The following SPATA24 variants were observed in gnomAD, a reference collection of about 807,000 sequenced individuals.
SPATA24 encodes spermatogenesis-associated protein 24.
In SPATA24, 21 loss-of-function variants were observed where a neutral mutation model predicts 28.9. The ratio of observed to expected loss-of-function variants is 0.73; its 90% CI spans 0.52 to 1.05. The LOEUF (loss-of-function observed/expected upper bound fraction) is 1.05. SPATA24 is among the 50% of genes least tolerant of loss of function. The probability of loss-of-function intolerance (pLI) is 0.00; values close to 1 mark genes in which losing one functional copy is unlikely to be tolerated. For missense variants in SPATA24, 215 were observed against 242.9 expected, an observed-to-expected ratio of 0.88 and a Z score of 0.76; for synonymous variants, 76 against 89.9, an observed-to-expected ratio of 0.85 and a Z score of 0.88.
chr5:139,398,434 G>A (rs1758756618), intron 4 of SPATA24, among the ~76,000 whole-genome samples: 1 of 152,002 alleles, frequency 6.6e-6, no homozygotes, highest in Non-Finnish European at 1.5e-5. Flanking sequence ...AACTAGCTGG[G>A]CATGGTGTTG....
At chr5:139,392,711 C>A (rs756113832), downstream of SPATA24, 754 of 1,407,718 alleles carry the variant, frequency 5.4e-4, no homozygotes, top group Non-Finnish European at 6.5e-4. This position sits in a 1 kb window ranked among gnomAD's most constrained non-coding sequence, Gnocchi z 5.8. Context: ...GCTGGCCCTA[C>A]GGGGGAGCGC....
chr5:139,392,584 G>A (rs1758616968), downstream of SPATA24: 3 of 1,363,796 alleles, frequency 2.2e-6, no homozygotes, highest in South Asian at 1.8e-5. This position sits in a 1 kb window ranked among gnomAD's most constrained non-coding sequence, Gnocchi z 5.8. Flanking sequence ...CGGGAGTGGC[G>A]CCTGGACGGC....
chr5:139,394,810 C>T (rs752988326), downstream of SPATA24: 1 of 1,529,248 alleles, frequency 6.5e-7, no homozygotes, highest in South Asian at 1.2e-5. Flanking sequence ...GGAACCTGGG[C>T]CTCGCGGGAA....
At position 139,396,858 on chromosome 5, in the gene SPATA24, T is replaced by C. The variant is rs540288040; in HGVS notation, c.560A>G (p.His187Arg). Residue 187 changes from histidine to arginine, a missense_variant, in exon 6 of 6, where the codon CAT (histidine) becomes CGT (arginine). By Grantham distance (29) the His-to-Arg change is conservative (BLOSUM62 0). Coordinates refer to ENST00000450845, the MANE Select transcript of SPATA24 (RefSeq NM_194296.2). Reference sequence around the variant, plus strand: ...CTGACGTGTCCCTGAGGCTTTCTTATGCTTCTGGTCCAGCACCTGGGCCAT... The same window carrying C: ...CTGACGTGTCCCTGAGGCTTTCTTACGCTTCTGGTCCAGCACCTGGGCCAT... ...SYMAQVLDQKHKKASGTRQAR... is the reference protein window; with the variant it reads ...SYMAQVLDQKRKKASGTRQAR... The C allele has an allele frequency of 1.1e-5, 17 of 1,551,720 alleles. No individual in the cohort carries two copies. The highest frequency in any genetic ancestry group is 1.5e-5 in the Non-Finnish European group (17 of 1,146,988).
At position 139,397,117 on chromosome 5, in the gene SPATA24, C is replaced by G. The variant is rs745839774; in HGVS notation, c.412G>C (p.Glu138Gln). Residue 138 changes from glutamate (E) to glutamine (Q), a missense_variant, in exon 5 of 6, where the codon GAA becomes CAA. By Grantham distance (29) the Glu-to-Gln change is conservative (BLOSUM62 2). Transcript: ENST00000450845. ...NEIESHIIKQ[E>Q]DILNGKENEI... Reference sequence around the variant, plus strand: ...TTCTCTTTGCCATTAAGTATATCTTCTTGCTTTATAATGTGAGACTCAATC... The same window carrying G: ...TTCTCTTTGCCATTAAGTATATCTTGTTGCTTTATAATGTGAGACTCAATC... 6.4e-7 allele frequency: 1 copy of G among 1,552,100 alleles called. No individual in the cohort carries two copies. The highest frequency in any genetic ancestry group is 2.4e-5 in the East Asian group (1 of 40,924).
In SPATA24 at chr5:139,402,656, T is replaced by G; in HGVS notation, c.155A>C (p.Glu52Ala). 1 of 1,551,872 alleles carries G rather than the reference T, an allele frequency of 6.4e-7. No homozygotes were observed. Residue 52 changes from glutamate to alanine, a missense_variant, in exon 2 of 6, where the codon GAG becomes GCG. Physicochemically the swap from Glu to Ala is moderately radical, Grantham distance 107 (BLOSUM62 -1). Transcript: ENST00000450845. Reference sequence around the variant, plus strand: ...CAGCTTCTTCTCCACTGCCTGGAACTCTTCTTTACTGACAAAATTTTCGTC... The same window carrying G: ...CAGCTTCTTCTCCACTGCCTGGAACGCTTCTTTACTGACAAAATTTTCGTC... The part of the protein sequence containing the change: ...LQDENFVSKE[E>A]FQAVEKKLVE...
intron 2 of SPATA24, 36 bp from the exon 3 acceptor site, chr5:139,402,081 G>T: frequency 6.5e-7 from 1 of 1,543,802 alleles, no homozygotes. Context: ...ATTACCCTAG[G>T]CCGCCTTGGG....
chr5:139,399,928 A>G (rs1758787623), intron 4 of SPATA24, among the ~76,000 whole-genome samples: 2 of 152,238 alleles, frequency 1.3e-5, no homozygotes, highest in South Asian at 4.1e-4. Context: ...TGGCCCTACC[A>G]GGAAAGAACC....
At chr5:139,398,225 GAGAC>G (rs2152078236) in intron 4 of SPATA24, among the ~76,000 whole-genome samples, 1 of 152,276 alleles carries the variant, frequency 6.6e-6, no homozygotes, top group East Asian at 1.9e-4. Context: ...GATGGGGAAA[GAGAC>G]AGCCCTATCC....
chr5:139,397,642 C>T (rs1208790003), intron 4 of SPATA24, among the ~76,000 whole-genome samples: 1 of 152,000 alleles, frequency 6.6e-6, no homozygotes, highest in Non-Finnish European at 1.5e-5. Flanking sequence ...GCAACCTCCA[C>T]CTCCTGAGTT....
Position 139,397,079 on chromosome 5 carries a change from C to G in SPATA24, c.450G>C (p.Glu150Asp). Residue 150 changes from glutamate (E) to aspartate (D), a missense_variant, in exon 5 of 6, where the codon GAG (glutamate) becomes GAC (aspartate). Glu to Asp is a conservative substitution (Grantham distance 45, BLOSUM62 2). Coordinates refer to ENST00000450845, the MANE Select transcript of SPATA24 (RefSeq NM_194296.2). ...ILNGKENEIK[E>D]LQQVISQQKQ... ...TCTGCTGGCTGATAACTTGCTGCAA[C>G]TCTTTAATCTCATTCTCTTTGCCAT... 1 of 1,551,882 alleles carries G rather than the reference C, an allele frequency of 6.4e-7. No homozygotes were observed. The highest frequency in any genetic ancestry group is 8.7e-7 in the Non-Finnish European group (1 of 1,147,040).
intron 4 of SPATA24, 195 bp downstream of exon 4, chr5:139,401,560 C>A (rs1165468656): frequency 1.4e-6 from 1 of 705,226 alleles, no homozygotes; most frequent in South Asian, 1.5e-5. Flanking sequence ...ATATAGTACA[C>A]CGACTGCTTC....
rs532597898 is a variant in SPATA24 at position 139,401,977 on chromosome 5, G to C, written c.252C>G (p.Ala84=). 1.3e-6 allele frequency: 2 copies of C among 1,551,564 alleles called. No homozygotes were observed. Among genetic ancestry groups the C allele is most frequent in the Non-Finnish European group, 1.7e-6 (2 of 1,146,992 alleles). ...LAKEEEKLQF[A]LGEVEVLSKQ... Reference sequence around the variant, plus strand: ...TGGATAGCACCTCTACCTCTCCGAGGGCAAACTGTAACTTCTCCTCTTCCT... The same window carrying C: ...TGGATAGCACCTCTACCTCTCCGAGCGCAAACTGTAACTTCTCCTCTTCCT... Residue 84 remains alanine (A), a synonymous_variant, in exon 3 of 6, where the codon GCC becomes GCG. Transcript: ENST00000450845.
At chr5:139,394,259 C>A, downstream of SPATA24, 1 of 1,545,156 alleles carries the variant, frequency 6.5e-7, no homozygotes, top group Non-Finnish European at 8.7e-7. Flanking sequence ...TCCGACCGCC[C>A]CGTGGACCCG....
downstream of SPATA24, chr5:139,393,627 T>C: frequency 6.5e-7 from 1 of 1,548,884 alleles, no homozygotes; most frequent in Non-Finnish European, 8.7e-7. Flanking sequence ...CATCCGCGAC[T>C]GCCGAATGTG....
chr5:139,401,333 T>C, intron 4 of SPATA24: 1 of 513,580 alleles, frequency 1.9e-6, no homozygotes, highest in Non-Finnish European at 3.4e-6. Flanking sequence ...TTTAAAGATC[T>C]GGCAATCCTA....
chr5:139,395,219 GC>G, downstream of SPATA24: 1 of 861,170 alleles, frequency 1.2e-6, no homozygotes, highest in Non-Finnish European at 1.6e-6. Flanking sequence ...AGCCAGCGGC[GC>G]CGGCAGCAGA....
downstream of SPATA24, chr5:139,394,396 C>G: frequency 7.2e-7 from 1 of 1,391,128 alleles, no homozygotes; most frequent in Non-Finnish European, 9.3e-7. Context: ...CAGGAGCAGC[C>G]GGGGGCGCGG....
chr5:139,397,981 A>C (rs1044791063), intron 4 of SPATA24, among the ~76,000 whole-genome samples: 4 of 152,198 alleles, frequency 2.6e-5, no homozygotes, highest in Non-Finnish European at 5.9e-5. Flanking sequence ...CTTTATCCCT[A>C]AGGCCTAAAA....
Sources: gnomAD v4.1 joint callset for allele counts (sites outside exome capture counted in the v4.1 genomes callset) on GRCh38, gnomAD v4.1.1 for gene constraint, Gnocchi (gnomAD v3.1) non-coding constraint, MANE v1.5 for transcripts, NCBI Gene and HGNC (gene_info 2026-07-23, HGNC 2026-07-21) for gene names.